Variants in HINT3 observed in about 807,000 individuals in gnomAD.
The protein encoded by HINT3 is adenosine 5'-monophosphoramidase HINT3.
Under a neutral mutation model 19.1 loss-of-function variants are expected in HINT3, and 16 were observed. The observed-to-expected ratio is 0.84, with a 90% CI of 0.57 to 1.27. The LOEUF (loss-of-function observed/expected upper bound fraction) is 1.27. Ranked by LOEUF, HINT3 falls within the 50% of genes most tolerant of loss-of-function variation. The pLI is 0.00. For missense variants in HINT3, 197 were observed against 225.8 expected (o/e 0.87, Z 0.82); for synonymous variants, 75 against 84.8 (o/e 0.88, Z 0.63).
chr6:125,964,772 A>T (rs1788993463), intron 1 of HINT3, among the ~76,000 whole-genome samples: 1 of 134,310 alleles, frequency 7.4e-6, no homozygotes, highest in Non-Finnish European at 1.6e-5. Flanking sequence ...ACACACACAC[A>T]CACAATCATT....
chr6:125,960,920 A>G (rs1788916057), intron 1 of HINT3, among the ~76,000 whole-genome samples: 1 of 152,194 alleles, frequency 6.6e-6, no homozygotes, highest in Non-Finnish European at 1.5e-5. Flanking sequence ...CTCAGAGTTC[A>G]ATATTTAGTA....
chr6:125,968,253 G>A (rs1021988975), intron 2 of HINT3, among the ~76,000 whole-genome samples: 3 of 152,176 alleles, frequency 2.0e-5, no homozygotes, highest in Admixed American at 2.0e-4. Flanking sequence ...TTATAAGTGG[G>A]AACACAGAGT....
chr6:125,965,667 A>T (rs1006042778), intron 1 of HINT3, among the ~76,000 whole-genome samples: 2 of 152,072 alleles, frequency 1.3e-5, no homozygotes, highest in African/African-American at 2.4e-5. Flanking sequence ...TGGGAGGATC[A>T]ACTGAGCTCA....
chr6:125,974,547 A>C (rs894625775), intron 3 of HINT3, among the ~76,000 whole-genome samples: 5 of 152,258 alleles, frequency 3.3e-5, no homozygotes, highest in African/African-American at 1.2e-4. Flanking sequence ...TTACGATGAT[A>C]AAGACTGAAG....
intron 2 of HINT3, among the ~76,000 whole-genome samples, chr6:125,969,667 C>T (rs1562214184): frequency 1.3e-5 from 2 of 152,138 alleles, no homozygotes; most frequent in African/African-American, 2.4e-5. Context: ...TTTCTTTCAG[C>T]AGCATTTTAT....
At chr6:125,961,606 T>C (rs1788927499) in intron 1 of HINT3, among the ~76,000 whole-genome samples, 1 of 152,130 alleles carries the variant, frequency 6.6e-6, no homozygotes, top group Non-Finnish European at 1.5e-5. Flanking sequence ...ATAGAGGATA[T>C]ACCAAAGGAT....
chr6:125,972,033 G>A (rs1398046212), intron 2 of HINT3, among the ~76,000 whole-genome samples: 1 of 152,016 alleles, frequency 6.6e-6, no homozygotes, highest in African/African-American at 2.4e-5. Context: ...TTTAAAAAAT[G>A]TTTTTTAGAG....
Position 125,973,065 on chromosome 6 carries a change from CTTTTTTTTTTTT to C in HINT3, c.389+754_389+765del, listed in dbSNP as rs869084942. On this transcript the variant is annotated intron_variant, in intron 3 of 4. Coordinates refer to ENST00000229633, the MANE Select transcript of HINT3 (RefSeq NM_138571.5). ...AAGCACATGATGTTCAATTTTTCAA[CTTTTTTTTTTTT>C]TTTTTTTTTTTTTTTTGAGACGGAG... Among the ~76,000 whole-genome samples, 434 of 74,484 alleles carry C rather than the reference CTTTTTTTTTTTT, an allele frequency of 5.8e-3. 3 individuals carry two copies. The highest frequency in any genetic ancestry group is 8.5e-3 in the Non-Finnish European group (355 of 41,924). The allele number at this position is 74,484 out of a possible 152,430, so 48.9% of individuals were successfully genotyped here. A position where few individuals can be genotyped will look rare whatever the true frequency, so the allele number is the denominator to read the frequency against.
At chr6:125,975,792 G>T (rs975532819) in intron 4 of HINT3, among the ~76,000 whole-genome samples, 1 of 152,078 alleles carries the variant, frequency 6.6e-6, no homozygotes, top group Non-Finnish European at 1.5e-5. Context: ...TGGCCAGGCT[G>T]GTCTCTATCT....
chr6:125,969,175 A>G (rs1212813130), intron 2 of HINT3, among the ~76,000 whole-genome samples: 1 of 152,110 alleles, frequency 6.6e-6, no homozygotes, highest in African/African-American at 2.4e-5. Context: ...TTGTGTTAAT[A>G]TTTGTATATG....
chr6:125,972,481 G>A (rs1326440131), intron 3 of HINT3, among the ~76,000 whole-genome samples, 153 bp downstream of exon 3: 2 of 152,196 alleles, frequency 1.3e-5, no homozygotes, highest in East Asian at 1.9e-4. Context: ...TAGTATAAAT[G>A]TAATAAAACT....
intron 1 of HINT3, among the ~76,000 whole-genome samples, chr6:125,966,661 C>A (rs888920679): frequency 3.9e-5 from 6 of 152,158 alleles, no homozygotes; most frequent in Middle Eastern, 3.4e-3. Flanking sequence ...ATAATTGTTT[C>A]CCCAAAATTG....
At chr6:125,963,929 C>T (rs1484966556) in intron 1 of HINT3, among the ~76,000 whole-genome samples, 1 of 152,100 alleles carries the variant, frequency 6.6e-6, no homozygotes, top group Non-Finnish European at 1.5e-5. Flanking sequence ...ACCTGAAAAC[C>T]CAAATGACAC....
At chr6:125,968,361 G>GCA (rs1789047271) in intron 2 of HINT3, among the ~76,000 whole-genome samples, 1 of 152,132 alleles carries the variant, frequency 6.6e-6, no homozygotes, top group Admixed American at 6.5e-5. Context: ...TTTTATAGCT[G>GCA]CATAGTATTA....
At chr6:125,972,669 A>G (rs1212728282) in intron 3 of HINT3, among the ~76,000 whole-genome samples, 2 of 152,054 alleles carry the variant, frequency 1.3e-5, no homozygotes, top group Admixed American at 6.5e-5. Flanking sequence ...GGCTCATTGC[A>G]GCCTCAACCT....
rs1446838974 is a variant in HINT3 at position 125,956,966 on chromosome 6, G to A, written c.-12G>A. 1 of 1,549,076 alleles carries A rather than the reference G, an allele frequency of 6.5e-7. No homozygotes were observed. On this transcript the variant is annotated 5_prime_UTR_variant, in exon 1 of 5. Coordinates refer to ENST00000229633, the MANE Select transcript of HINT3 (RefSeq NM_138571.5). The stretch of plus-strand genomic sequence containing the variant: ...GAGAGGCCGAGGCTCTAGGCCGCGA[G>A]GGGCGGGTGCAATGGCGGAGGAACA...
chr6:125,977,481 TTATA>T (rs1789195483), intron 4 of HINT3, among the ~76,000 whole-genome samples, 159 bp from the exon 5 acceptor site: 1 of 152,198 alleles, frequency 6.6e-6, no homozygotes, highest in African/African-American at 2.4e-5. Context: ...TGTAGAATAA[TTATA>T]TATAGATATT....
intron 3 of HINT3, among the ~76,000 whole-genome samples, chr6:125,974,572 G>A (rs1253691702): frequency 1.3e-5 from 2 of 152,186 alleles, no homozygotes; most frequent in African/African-American, 4.8e-5. Flanking sequence ...AAGACATTAT[G>A]CCAACTCAGA....
chr6:125,961,404 C>T (rs908758107), intron 1 of HINT3, among the ~76,000 whole-genome samples: 2 of 152,148 alleles, frequency 1.3e-5, no homozygotes, highest in Non-Finnish European at 2.9e-5. Flanking sequence ...CTGATGATAG[C>T]ATCAGATCCC....
Sources: allele counts gnomAD v4.1 joint callset (sites outside exome capture counted in the v4.1 genomes callset), GRCh38; gene constraint gnomAD v4.1.1; transcripts MANE v1.5; gene names NCBI Gene and HGNC (gene_info 2026-07-23, HGNC 2026-07-21).